The following CD4 variants were observed in gnomAD, a reference collection of about 807,000 sequenced individuals.
CD4 encodes the protein T-cell surface glycoprotein CD4.
In CD4, 25 loss-of-function variants were observed where a neutral mutation model predicts 50.5. The ratio of observed to expected loss-of-function variants is 0.49; its 90% CI spans 0.36 to 0.69. The LOEUF (loss-of-function observed/expected upper bound fraction) is 0.69, where lower values mean the gene tolerates loss of function less well. Ranked by LOEUF, CD4 falls within the 30% of genes least tolerant of loss-of-function variation. CD4 has a pLI of 0.00. For missense variants in CD4, 456 were observed against 548.5 expected (o/e 0.83, Z 1.68); for synonymous variants, 207 against 221.9 (o/e 0.93, Z 0.60).
Position 6,818,173 on chromosome 12 carries a change from ACT to A in CD4, c.1157-246_1157-245del, listed in dbSNP as rs745357123. Among the ~76,000 whole-genome samples the A allele has an allele frequency of 5.0e-4, 76 of 152,242 alleles. No homozygotes were observed. Among genetic ancestry groups the A allele is most frequent in the Admixed American group, 7.8e-4 (12 of 15,296 alleles). The stretch of plus-strand genomic sequence containing the variant: ...CACTCACACATGCACACACACATGC[ACT>A]CACACACACAGCCCAGGAGCCAGAC... On this transcript the variant is annotated intron_variant, in intron 7 of 9. Coordinates refer to ENST00000011653, the MANE Select transcript of CD4 (RefSeq NM_000616.5). The surrounding 1 kb of genome is among the most constrained non-coding windows in gnomAD (Gnocchi z 5.0).
chr12:6,796,941 C>T (rs1029914153), intron 1 of CD4, among the ~76,000 whole-genome samples: 3 of 152,212 alleles, frequency 2.0e-5, no homozygotes, highest in South Asian at 2.1e-4. Flanking sequence ...GAAGCCTCCT[C>T]GCACATCCCT....
chr12:6,798,268 C>G (rs1228610674), intron 1 of CD4, among the ~76,000 whole-genome samples: 1 of 90,322 alleles, frequency 1.1e-5, no homozygotes, highest in East Asian at 1.9e-4. Flanking sequence ...CTCCCGGGTT[C>G]ACGCCATTCT....
chr12:6,801,836 A>AG (rs1488252076), intron 3 of CD4, among the ~76,000 whole-genome samples: 2 of 149,664 alleles, frequency 1.3e-5, no homozygotes, highest in Admixed American at 6.7e-5. Context: ...CTGGGATTAC[A>AG]GGCGTGAGTC....
chr12:6,795,119 T>TCTATCTAC (rs1322076481), intron 1 of CD4, among the ~76,000 whole-genome samples: 1 of 151,500 alleles, frequency 6.6e-6, no homozygotes, highest in Non-Finnish European at 1.5e-5. Context: ...TATCTATCTA[T>TCTATCTAC]CTATCTATCT....
intron 1 of CD4, among the ~76,000 whole-genome samples, chr12:6,795,157 CCTAAT>C (rs1203502884): frequency 6.6e-6 from 1 of 151,706 alleles, no homozygotes; most frequent in Non-Finnish European, 1.5e-5. Context: ...TTCTGTCTAA[CCTAAT>C]CTATTTTATC....
rs781790335 is a variant in CD4, at chr12:6,818,199, A to T, written c.1157-222A>T. The stretch of plus-strand genomic sequence containing the variant: ...CTCACACACACAGCCCAGGAGCCAG[A>T]CCACAGCTTCTCTCTCTCCAGAGTG... On this transcript the variant is annotated intron_variant, in intron 7 of 9. Transcript: ENST00000011653. The surrounding 1 kb of genome is among the most constrained non-coding windows in gnomAD (Gnocchi z 5.0). 6.6e-6 allele frequency among the ~76,000 whole-genome samples: 1 copy of T among 152,202 alleles called. No individual in the cohort carries two copies. The highest frequency in any genetic ancestry group is 2.4e-5 in the African/African-American group (1 of 41,442).
rs1184637263 is a variant in CD4, at chr12:6,818,132, CGCACACACAT to C, written c.1157-280_1157-271del. 1.3e-4 allele frequency among the ~76,000 whole-genome samples: 19 copies of C among 151,844 alleles called. No homozygotes were observed. Among genetic ancestry groups the C allele is most frequent in the Non-Finnish European group, 2.5e-4 (17 of 67,972 alleles). ...CACACACATTCACACCATTCACACACGCACACACATGCACACACTCACACATGCACACACA... is the reference window on the plus strand; with the variant it reads ...CACACACATTCACACCATTCACACACGCACACACTCACACATGCACACACA... On this transcript the variant is annotated intron_variant, in intron 7 of 9. Coordinates refer to ENST00000011653, the MANE Select transcript of CD4 (RefSeq NM_000616.5). This position sits in a 1 kb window ranked among gnomAD's most constrained non-coding sequence, Gnocchi z 5.0.
intron 3 of CD4, among the ~76,000 whole-genome samples, chr12:6,811,493 T>C (rs1446792145): frequency 1.4e-5 from 1 of 69,374 alleles, no homozygotes; most frequent in African/African-American, 1.1e-4. Flanking sequence ...TTCTTTTTCT[T>C]TTTTTTTTTT....
chr12:6,807,374 T>A (rs1386226845), intron 3 of CD4, among the ~76,000 whole-genome samples: 1 of 152,136 alleles, frequency 6.6e-6, no homozygotes. Context: ...CACGAAATAC[T>A]TTTCAGCAAT....
Position 6,816,510 on chromosome 12 carries a change from T to A in CD4, c.955+107T>A. ...GCCCCAAGAGGGGATGCCTAGGCCCTGGTCACCTGGATGAAGTGAGGGAGG... is the reference window on the plus strand; with the variant it reads ...GCCCCAAGAGGGGATGCCTAGGCCCAGGTCACCTGGATGAAGTGAGGGAGG... On this transcript the variant is annotated intron_variant, in intron 6 of 9. Coordinates refer to ENST00000011653, the MANE Select transcript of CD4 (RefSeq NM_000616.5). The surrounding 1 kb of genome is among the most constrained non-coding windows in gnomAD (Gnocchi z 4.9). The A allele has an allele frequency of 1.1e-6, 1 of 911,102 alleles. No homozygotes were observed. Among genetic ancestry groups the A allele is most frequent in the African/African-American group, 1.7e-5 (1 of 59,250 alleles). The allele number at this position is 911,102 out of a possible 1,614,324, so 56.4% of individuals were successfully genotyped here.
intron 1 of CD4, among the ~76,000 whole-genome samples, chr12:6,790,674 T>C (rs1591537962): frequency 6.6e-6 from 1 of 152,168 alleles, no homozygotes; most frequent in East Asian, 1.9e-4. Flanking sequence ...TCTCAGCCTT[T>C]CCGCCCTCAG....
rs1055141 is a variant in CD4 at position 6,817,197 on chromosome 12, T to C, written c.1023T>C (p.Ser341=). The change falls in exon 7 of 10, where the codon AGT becomes AGC. Residue 341 remains serine (S), a synonymous_variant. Transcript: ENST00000011653. The part of the protein sequence containing the change: ...WGPTSPKLML[S]LKLENKEAKV... ...CCACCTCCCCTAAGCTGATGCTGAG[T>C]TTGAAACTGGAGAACAAGGAGGCAA... 0.59 allele frequency: 946,325 copies of C among 1,613,520 alleles called. 283,795 individuals are homozygous for C. Among genetic ancestry groups the C allele is most frequent in the East Asian group, 0.91 (40,727 of 44,878 alleles).
chr12:6,793,126 C>T (rs549832229), intron 1 of CD4, among the ~76,000 whole-genome samples: 12 of 152,194 alleles, frequency 7.9e-5, no homozygotes, highest in African/African-American at 2.9e-4. Context: ...TCTGGGGTGG[C>T]AGCGGAAGCC....
At chr12:6,805,184 CAAAAAAAAA>C (rs1190331748) in intron 3 of CD4, among the ~76,000 whole-genome samples, 12 of 79,120 alleles carry the variant, frequency 1.5e-4, no homozygotes, top group African/African-American at 5.6e-4. Context: ...GACCCTATCT[CAAAAAAAAA>C]AAAAAAAAAA....
intron 1 of CD4, chr12:6,799,096 G>T: frequency 6.6e-6 from 1 of 152,214 alleles, no homozygotes; most frequent in East Asian, 1.9e-4. Context: ...AGAGCATCCA[G>T]TTAGGGGTGT....
At position 6,816,866 on chromosome 12, in the gene CD4, C is replaced by T. The variant is rs1470224550; in HGVS notation, c.956-264C>T. Among the ~76,000 whole-genome samples the T allele has an allele frequency of 2.0e-5, 3 of 152,192 alleles. No individual in the cohort carries two copies. Among genetic ancestry groups the T allele is most frequent in the Non-Finnish European group, 2.9e-5 (2 of 68,040 alleles). ...CTTGATGCTCAGCACGTGTCGGGCC[C>T]CATCCAAACACTTTACATGTATGCC... On this transcript the variant is annotated intron_variant, in intron 6 of 9. Coordinates refer to ENST00000011653, the MANE Select transcript of CD4 (RefSeq NM_000616.5). This position sits in a 1 kb window ranked among gnomAD's most constrained non-coding sequence, Gnocchi z 4.9.
chr12:6,796,015 T>C (rs2857234), intron 1 of CD4, among the ~76,000 whole-genome samples: 95,220 of 152,062 alleles, frequency 0.63, 30,003 homozygotes, highest in Middle Eastern at 0.7. Flanking sequence ...TGTGCATACA[T>C]TTCAGTGACC....
intron 3 of CD4, among the ~76,000 whole-genome samples, chr12:6,801,692 C>T (rs1258218166): frequency 6.6e-6 from 1 of 150,862 alleles, no homozygotes; most frequent in Non-Finnish European, 1.5e-5. Context: ...TCCCGAGTAG[C>T]TGGGACTACA....
In CD4 at chr12:6,818,538, G is replaced by A. The variant is rs369537966; in HGVS notation, c.1274G>A (p.Arg425Gln). The A allele has an allele frequency of 5.0e-5, 80 of 1,612,638 alleles. No individual in the cohort carries two copies. The Middle Eastern group carries it at 9.9e-4, about 20-fold the overall frequency. Residue 425 changes from arginine (R) to glutamine (Q), a missense_variant, in exon 8 of 10, where the codon CGA (arginine) becomes CAA (glutamine). Arg to Gln is a conservative substitution (Grantham distance 43). Transcript: ENST00000011653. The surrounding 1 kb of genome is among the most constrained non-coding windows in gnomAD (Gnocchi z 5.0). ...TTCTTCTGTGTCAGGTGCCGGCACC[G>A]AAGGGTGAGTAACCCCACACCTGGT... The part of the protein sequence containing the change: ...GIFFCVRCRH[R>Q]RRQAERMSQI...
Sources: allele counts gnomAD v4.1 joint callset (sites outside exome capture counted in the v4.1 genomes callset), GRCh38; gene constraint gnomAD v4.1.1; non-coding constraint Gnocchi (gnomAD v3.1); transcripts MANE v1.5; gene names NCBI Gene and HGNC (gene_info 2026-07-23, HGNC 2026-07-21).